The following MBD6 variants were observed in gnomAD, a reference collection of about 807,000 sequenced individuals.
MBD6 encodes methyl-CpG-binding domain protein 6.
Under a neutral mutation model 66.8 loss-of-function variants are expected in MBD6, and 22 were observed. The ratio of observed to expected loss-of-function variants is 0.33; its 90% CI spans 0.24 to 0.47. The LOEUF is 0.47. Ranked by LOEUF, MBD6 falls within the 20% of genes least tolerant of loss-of-function variation. The pLI, the probability that MBD6 is intolerant of heterozygous loss-of-function variation, is 1.00. For missense variants in MBD6, 1,322 were observed against 1,286.9 expected (o/e 1.03, Z -0.42); for synonymous variants, 540 against 534.6 (o/e 1.01, Z -0.14).
Position 57,526,338 on chromosome 12 carries a change from T to C in MBD6, c.1370T>C (p.Ile457Thr), listed in dbSNP as rs1878953160. 6.2e-7 allele frequency: 1 copy of C among 1,610,228 alleles called. No homozygotes were observed. Among genetic ancestry groups the C allele is most frequent in the East Asian group, 2.2e-5 (1 of 44,818 alleles). Residue 457 changes from isoleucine (I) to threonine (T), a missense_variant, in exon 6 of 13, where the codon ATC becomes ACC. Ile to Thr is a moderately conservative substitution (Grantham distance 89). Transcript: ENST00000355673. ...SGSPPQPRHP[I>T]QPSLPGTTSG... ...AGCCCTCCCCAGCCCAGGCACCCCATCCAGCCCTCCCTGCCTGGGACCACC... is the reference window on the plus strand; with the variant it reads ...AGCCCTCCCCAGCCCAGGCACCCCACCCAGCCCTCCCTGCCTGGGACCACC...
downstream of MBD6, chr12:57,530,374 T>C (rs565409009): frequency 9.9e-6 from 3 of 302,344 alleles, no homozygotes; most frequent in South Asian, 2.2e-4. Flanking sequence ...CCACAGAAGC[T>C]GTGTTGGGGG....
rs1879068167 is a variant in MBD6 at position 57,527,364 on chromosome 12, A to G, written c.2082+137A>G. ...GAGGCCTTAGTTCTTGGCTGGGGGT[A>G]GGATGACTGCAAGAATTGGGTCTGT... On this transcript the variant is annotated intron_variant, in intron 7 of 12. Coordinates refer to ENST00000355673, the MANE Select transcript of MBD6 (RefSeq NM_052897.4). 7 of 1,184,986 alleles carry G rather than the reference A, an allele frequency of 5.9e-6. 1 individual carries two copies. The highest frequency in any genetic ancestry group is 1.5e-5 in the African/African-American group (1 of 66,056). 73.4% of individuals were successfully genotyped at this position (1,184,986 alleles called of 1,614,324 possible).
chr12:57,530,673 C>G, downstream of MBD6: 1 of 1,610,106 alleles, frequency 6.2e-7, no homozygotes, highest in South Asian at 1.1e-5. Context: ...CCCTGTTCTC[C>G]AGCTCCCAAA....
Position 57,529,210 on chromosome 12 carries a change from CAAG to C in MBD6, c.2990_2992del (p.Lys997del), listed in dbSNP as rs980732118. 24 of 1,614,140 alleles carry C rather than the reference CAAG, an allele frequency of 1.5e-5. No homozygotes were observed. The East Asian group carries it at 2.7e-4, about 18-fold the overall frequency. ...CCCGCCCTGGCCGTCCTGCCAAAAACAAGAGGAGGAAACTGGCCCCATAGCAGC... is the reference window on the plus strand; with the variant it reads ...CCCGCCCTGGCCGTCCTGCCAAAAACAGGAGGAAACTGGCCCCATAGCAGC... On this transcript the variant is annotated inframe_deletion, in exon 13 of 13. Transcript: ENST00000355673.
At chr12:57,522,759 A>ACGCCGGCGGCGG (rs1555170197), upstream of MBD6, 1 of 153,606 alleles carries the variant, frequency 6.5e-6, no homozygotes. Flanking sequence ...TGCGGCAGCG[A>ACGCCGGCGGCGG]CGGCGGCGGC....
rs201045079 is a variant in MBD6 at position 57,526,335 on chromosome 12, C to T, written c.1367C>T (p.Pro456Leu). The T allele has an allele frequency of 6.2e-7, 1 of 1,611,232 alleles. No homozygotes were observed. The highest frequency in any genetic ancestry group is 8.5e-7 in the Non-Finnish European group (1 of 1,178,372). The stretch of plus-strand genomic sequence containing the variant: ...GGGAGCCCTCCCCAGCCCAGGCACC[C>T]CATCCAGCCCTCCCTGCCTGGGACC... Reference protein sequence around the residue: ...SSGSPPQPRHPIQPSLPGTTS... With the variant: ...SSGSPPQPRHLIQPSLPGTTS... Residue 456 changes from proline (P) to leucine (L), a missense_variant, in exon 6 of 13, where the codon CCC (proline) becomes CTC (leucine). By Grantham distance (98) the Pro-to-Leu change is moderately conservative. Coordinates refer to ENST00000355673, the MANE Select transcript of MBD6 (RefSeq NM_052897.4).
intron 1 of MBD6, among the ~76,000 whole-genome samples, chr12:57,523,639 G>A (rs764540002): frequency 6.6e-6 from 1 of 152,166 alleles, no homozygotes; most frequent in Non-Finnish European, 1.5e-5. Flanking sequence ...TGACCTGTGG[G>A]GCAATCTGTA....
intron 12 of MBD6, 75 bp downstream of exon 12, chr12:57,529,084 G>C (rs1424356597): frequency 1.2e-6 from 2 of 1,613,124 alleles, no homozygotes; most frequent in East Asian, 2.2e-5. Context: ...AGGAGGGTTA[G>C]AGGGAGTGGG....
At position 57,529,405 on chromosome 12, in the gene MBD6, G is replaced by T; in HGVS notation, c.*171G>T. The T allele has an allele frequency of 1.6e-6, 1 of 612,446 alleles. No homozygotes were observed. The highest frequency in any genetic ancestry group is 2.8e-6 in the Non-Finnish European group (1 of 354,444). 37.9% of individuals were successfully genotyped at this position (612,446 alleles called of 1,614,324 possible). A position where few individuals can be genotyped will look rare whatever the true frequency, so the allele number is the denominator to read the frequency against. Reference sequence around the variant, plus strand: ...AATCCCATCCTGAGCCATTGCAGGGGGCAGGGAAGTTCACCCCCCCCCACC... The same window carrying T: ...AATCCCATCCTGAGCCATTGCAGGGTGCAGGGAAGTTCACCCCCCCCCACC... On this transcript the variant is annotated 3_prime_UTR_variant, in exon 13 of 13. Transcript: ENST00000355673.
chr12:57,530,352 T>C (rs1209078647), downstream of MBD6: 1 of 267,172 alleles, frequency 3.7e-6, no homozygotes, highest in Non-Finnish European at 7.3e-6. Flanking sequence ...AGTTGTACAG[T>C]ATTACAGTCA....
chr12:57,522,301 G>A (rs527419364), upstream of MBD6, among the ~76,000 whole-genome samples: 11 of 152,286 alleles, frequency 7.2e-5, no homozygotes, highest in South Asian at 2.1e-3. Context: ...ACAGGCAGAG[G>A]TCATGTGACT....
rs775997223 is a variant in MBD6, at chr12:57,526,799, C to T, written c.1654C>T (p.Pro552Ser). 23 of 1,610,156 alleles carry T rather than the reference C, an allele frequency of 1.4e-5. No homozygotes were observed. In the South Asian group the frequency reaches 2.0e-4, roughly 14 times the overall value. ...CCCTCTGAGTCTGGGGCAGCCTCCA[C>T]CTTCTCCATTGCTCAACCACAGTTT... The part of the protein sequence containing the change: ...PLPLSLGQPP[P>S]SPLLNHSLFG... Residue 552 changes from proline (P) to serine (S), a missense_variant, in exon 7 of 13, where the codon CCT (proline) becomes TCT (serine). Coordinates refer to ENST00000355673, the MANE Select transcript of MBD6 (RefSeq NM_052897.4).
rs190981030 is a variant in MBD6, at chr12:57,528,115, G to A, written c.2407-32G>A. ...ATAGTAGAAGAGGGACGGTATTTGA[G>A]ATTGACTGAGAACTTATTTTTTTGC... is the stretch of plus-strand genomic sequence containing the variant. On this transcript the variant is annotated intron_variant, in intron 9 of 12. Coordinates refer to ENST00000355673, the MANE Select transcript of MBD6 (RefSeq NM_052897.4). The A allele has an allele frequency of 1.4e-5, 22 of 1,556,928 alleles. No homozygotes were observed. The African/African-American group carries it at 2.8e-4, about 20-fold the overall frequency.
intron 1 of MBD6, chr12:57,523,405 G>A (rs1878576561): frequency 6.6e-6 from 1 of 152,180 alleles, no homozygotes; most frequent in Non-Finnish European, 1.5e-5. Flanking sequence ...TCGGAGGACA[G>A]GCTCTCTTGG....
At chr12:57,524,618 C>T (rs957416194) in intron 3 of MBD6, 102 bp from the exon 4 acceptor site, 5 of 1,191,850 alleles carry the variant, frequency 4.2e-6, no homozygotes, top group Non-Finnish European at 6.2e-6. Flanking sequence ...TCCTTATCCT[C>T]TGTTCTTCTA....
intron 1 of MBD6, among the ~76,000 whole-genome samples, chr12:57,523,548 A>G (rs1318405795): frequency 6.6e-6 from 1 of 152,184 alleles, no homozygotes; most frequent in Non-Finnish European, 1.5e-5. Flanking sequence ...CGAATGAACT[A>G]TATCAGCGAT....
chr12:57,526,491 G>C (rs1878967215), intron 6 of MBD6, 75 bp from the exon 7 acceptor site: 2 of 1,510,624 alleles, frequency 1.3e-6, no homozygotes, highest in Admixed American at 2.3e-5. Context: ...TCTGGGTTGG[G>C]GGCAGGGAGG....
chr12:57,530,593 G>T, downstream of MBD6: 1 of 1,082,944 alleles, frequency 9.2e-7, no homozygotes, highest in Non-Finnish European at 1.4e-6. Flanking sequence ...ATGGGATGGG[G>T]ATGCTAGAGT....
rs534430571 is a variant in MBD6 at position 57,524,016 on chromosome 12, A to C, written c.-88-13A>C. Reference sequence around the variant, plus strand: ...AGACTCCTGACAGTCCCATCTCTCTACTTGCGTTGCAGGTGTGGGCTAAGC... The same window carrying C: ...AGACTCCTGACAGTCCCATCTCTCTCCTTGCGTTGCAGGTGTGGGCTAAGC... On this transcript the variant is annotated splice_polypyrimidine_tract_variant and intron_variant, in intron 1 of 12. Transcript: ENST00000355673. 1 of 261,736 alleles carries C rather than the reference A, an allele frequency of 3.8e-6. No individual in the cohort carries two copies. Among genetic ancestry groups the C allele is most frequent in the Non-Finnish European group, 7.3e-6 (1 of 137,572 alleles). The allele number at this position is 261,736 out of a possible 1,614,324, so 16.2% of individuals were successfully genotyped here.
Sources: allele counts gnomAD v4.1 joint callset (sites outside exome capture counted in the v4.1 genomes callset), GRCh38; gene constraint gnomAD v4.1.1; transcripts MANE v1.5; gene names NCBI Gene and HGNC (gene_info 2026-07-23, HGNC 2026-07-21).